CTNNA3: variants seen among roughly 807,000 people sequenced by gnomAD.
CTNNA3 encodes the protein catenin alpha 3, also known as catenin alpha-3.
Under a neutral mutation model 95.7 loss-of-function variants are expected in CTNNA3, and 76 were observed. The ratio of observed to expected loss-of-function variants is 0.79; its 90% confidence interval spans 0.66 to 0.96. CTNNA3 has a LOEUF of 0.96. Among genes scored for constraint, CTNNA3 ranks in the 40% least tolerant of loss-of-function variants. The probability of loss-of-function intolerance (pLI) is 0.00; values close to 1 mark genes in which losing one functional copy is unlikely to be tolerated. For synonymous variants in CTNNA3, 431 were observed against 374.4 expected, an observed-to-expected ratio of 1.15 and a Z score of -1.74; for missense variants, 1,191 against 1,089.8, an observed-to-expected ratio of 1.09 and a Z score of -1.31.
At chr10:66,152,683 A>G (rs1232274655) in intron 13 of CTNNA3, among the ~76,000 whole-genome samples, 1 of 151,914 alleles carries the variant, frequency 6.6e-6, no homozygotes, top group Admixed American at 6.6e-5. Flanking sequence ...CCTCAAGAGC[A>G]TTTTTGAAAT....
intron 6 of CTNNA3, among the ~76,000 whole-genome samples, chr10:67,207,716 C>T (rs1427269863): frequency 6.6e-6 from 1 of 152,214 alleles, no homozygotes; most frequent in African/African-American, 2.4e-5. Flanking sequence ...CAGAACCTTA[C>T]AATCTTACAA....
At position 66,209,951 on chromosome 10, in the gene CTNNA3, G is replaced by A. The variant is rs1411300007; in HGVS notation, c.1884+70519C>T. ...AGAGATAGAGGCAGAGACAGAGAGA[G>A]CACTAAGAAGAAATGTAGTGGCTAA... is the stretch of plus-strand genomic sequence containing the variant. On this transcript the variant is annotated intron_variant, in intron 13 of 17. Coordinates refer to ENST00000433211, the MANE Select transcript of CTNNA3 (RefSeq NM_013266.4). Among the ~76,000 whole-genome samples, 5 of 152,226 alleles carry A rather than the reference G, an allele frequency of 3.3e-5. No homozygotes were observed. The East Asian group carries it at 7.7e-4, about 24-fold the overall frequency.
chr10:66,243,666 A>T (rs2090193391), intron 13 of CTNNA3, among the ~76,000 whole-genome samples: 2 of 152,214 alleles, frequency 1.3e-5, no homozygotes, highest in South Asian at 4.1e-4. Context: ...GTATAAAACC[A>T]AGTTATAGTC....
At chr10:66,574,248 A>T (rs57308908) in intron 10 of CTNNA3, among the ~76,000 whole-genome samples, 1 of 152,020 alleles carries the variant, frequency 6.6e-6, no homozygotes, top group South Asian at 2.1e-4. Context: ...AGGAAGAAAA[A>T]AGGAAAAACA....
chr10:66,097,842 TAGA>T (rs1342848511), intron 14 of CTNNA3: 1 of 152,122 alleles, frequency 6.6e-6, no homozygotes, highest in African/African-American at 2.4e-5. Context: ...TTCTAGAAAT[TAGA>T]ATTCTCGTTT....
chr10:66,562,004 G>C (rs1842568764), intron 10 of CTNNA3, among the ~76,000 whole-genome samples: 3 of 152,002 alleles, frequency 2.0e-5, no homozygotes, highest in Admixed American at 2.0e-4. Flanking sequence ...GAAGATAACA[G>C]GTGAGAGGTA....
chr10:66,354,313 C>T (rs2092591802), intron 12 of CTNNA3, among the ~76,000 whole-genome samples: 1 of 87,742 alleles, frequency 1.1e-5, no homozygotes, highest in Non-Finnish European at 2.9e-5. Context: ...TCTATGAACA[C>T]TAAAAAAAAA....
chr10:67,305,900 T>C (rs754518612), intron 5 of CTNNA3, among the ~76,000 whole-genome samples: 1 of 152,138 alleles, frequency 6.6e-6, no homozygotes, highest in Admixed American at 6.5e-5. Flanking sequence ...GAAAAACTAT[T>C]ATGGCATTTC....
intron 5 of CTNNA3, among the ~76,000 whole-genome samples, chr10:67,246,447 T>C (rs980096674): frequency 2.6e-5 from 4 of 152,196 alleles, no homozygotes; most frequent in African/African-American, 9.6e-5. Flanking sequence ...GGTTGGTGTT[T>C]GCCTCTAATG....
intron 7 of CTNNA3, among the ~76,000 whole-genome samples, chr10:66,796,131 A>T (rs1841180714): frequency 6.6e-6 from 1 of 152,118 alleles, no homozygotes; most frequent in Non-Finnish European, 1.5e-5. Flanking sequence ...TTGCATGCAC[A>T]ACTTGGCTAA....
At chr10:65,968,299 C>T (rs2078021277) in intron 16 of CTNNA3, among the ~76,000 whole-genome samples, 1 of 151,928 alleles carries the variant, frequency 6.6e-6, no homozygotes, top group Non-Finnish European at 1.5e-5. Flanking sequence ...TTGCCTGAGC[C>T]CGAGAAGTTA....
chr10:67,558,791 G>A (rs1419198840), intron 3 of CTNNA3, among the ~76,000 whole-genome samples: 2 of 152,200 alleles, frequency 1.3e-5, no homozygotes, highest in East Asian at 1.9e-4. Context: ...CCCTAATACT[G>A]CGCTTTTCCA....
intron 5 of CTNNA3, among the ~76,000 whole-genome samples, chr10:67,317,795 T>C (rs1467651121): frequency 6.6e-6 from 1 of 152,186 alleles, no homozygotes; most frequent in Admixed American, 6.5e-5. Flanking sequence ...TTGGCCATGT[T>C]TCACCCTTTT....
intron 5 of CTNNA3, among the ~76,000 whole-genome samples, chr10:67,345,473 CTAA>C (rs1340268106): frequency 6.6e-6 from 1 of 152,024 alleles, no homozygotes; most frequent in African/African-American, 2.4e-5. Context: ...CTCTTTAGCT[CTAA>C]TAATATTTGC....
chr10:66,644,362 T>C (rs997711654), intron 9 of CTNNA3, among the ~76,000 whole-genome samples: 2 of 147,870 alleles, frequency 1.4e-5, no homozygotes, highest in African/African-American at 4.9e-5. Context: ...ATTTTACATA[T>C]AGTATATTTT....
intron 7 of CTNNA3, among the ~76,000 whole-genome samples, chr10:67,073,512 T>A (rs972542928): frequency 3.9e-5 from 6 of 151,900 alleles, no homozygotes; most frequent in Non-Finnish European, 8.8e-5. Flanking sequence ...TTTGTCAACA[T>A]CCCTCTTAAA....
Position 66,103,153 on chromosome 10 carries a change from A to G in CTNNA3, c.1977+4T>C. 6.2e-7 allele frequency: 1 copy of G among 1,611,538 alleles called. No homozygotes were observed. Among genetic ancestry groups the G allele is most frequent in the East Asian group, 2.2e-5 (1 of 44,858 alleles). The stretch of plus-strand genomic sequence containing the variant: ...TGGTTCTCCCACCAGTTGAAGTGAC[A>G]TACCCTATCAGTTTTCCCTTCGGTC... On this transcript the variant is annotated splice_donor_region_variant and intron_variant, in intron 14 of 17. Coordinates refer to ENST00000433211, the MANE Select transcript of CTNNA3 (RefSeq NM_013266.4).
intron 3 of CTNNA3, among the ~76,000 whole-genome samples, chr10:67,573,458 G>C (rs775469008): frequency 1.3e-5 from 2 of 152,008 alleles, no homozygotes; most frequent in African/African-American, 4.8e-5. Context: ...CTTGAAATCA[G>C]ACTATGAGAC....
At chr10:67,702,245 G>A (rs1198397435) in intron 1 of CTNNA3, among the ~76,000 whole-genome samples, 1 of 151,966 alleles carries the variant, frequency 6.6e-6, no homozygotes, top group Admixed American at 6.6e-5. Context: ...AGGATACCCA[G>A]GAATTGAACT....
Sources: allele counts gnomAD v4.1 joint callset (sites outside exome capture counted in the v4.1 genomes callset), GRCh38; gene constraint gnomAD v4.1.1; transcripts MANE v1.5; gene names NCBI Gene and HGNC (gene_info 2026-07-23, HGNC 2026-07-21).